SLC37A2: variants seen among roughly 807,000 people sequenced by gnomAD.
SLC37A2 encodes glucose-6-phosphate exchanger SLC37A2.
SLC37A2 carries 59 observed loss-of-function variants against 70.7 expected under a neutral mutation model. The observed-to-expected ratio is 0.83, with a 90% CI of 0.68 to 1.04. The LOEUF (loss-of-function observed/expected upper bound fraction) is 1.04. Among genes scored for constraint, SLC37A2 ranks in the 50% least tolerant of loss-of-function variants. The pLI is 0.00. For synonymous variants in SLC37A2, 257 were observed against 262.1 expected, an observed-to-expected ratio of 0.98 and a Z score of 0.19; for missense variants, 580 against 658.1, an observed-to-expected ratio of 0.88 and a Z score of 1.30.
chr11:125,086,193 T>C (rs2135578083), intron 17 of SLC37A2, 175 bp downstream of exon 17: 1 of 1,611,068 alleles, frequency 6.2e-7, no homozygotes, highest in East Asian at 2.2e-5. Flanking sequence ...TGTCCCCGTG[T>C]ATCTCTATAG....
rs1287315642 is a variant in SLC37A2, at chr11:125,083,954, C to A, written c.1039+77C>A. 3 of 1,421,270 alleles carry A rather than the reference C, an allele frequency of 2.1e-6. No individual in the cohort carries two copies. Among genetic ancestry groups the A allele is most frequent in the Non-Finnish European group, 3.0e-6 (3 of 1,008,428 alleles). The allele number at this position is 1,421,270 out of a possible 1,614,324, so 88.0% of individuals were successfully genotyped here. On this transcript the variant is annotated intron_variant, in intron 11 of 17. Coordinates refer to ENST00000403796, the MANE Select transcript of SLC37A2 (RefSeq NM_001145290.2). This position sits in a 1 kb window ranked among gnomAD's most constrained non-coding sequence, Gnocchi z 4.6. ...GGGGTGCAGGAAGAAGGGACAGGTC[C>A]GATGGGCTATGACCTGGGTAGGTGG...
chr11:125,076,450 G>C (rs574979952), intron 1 of SLC37A2, among the ~76,000 whole-genome samples: 20 of 152,284 alleles, frequency 1.3e-4, no homozygotes, highest in African/African-American at 4.8e-4. Context: ...CCTGACCTCA[G>C]GGAGGTCGAC....
At chr11:125,072,505 T>A (rs1348831887) in intron 1 of SLC37A2, among the ~76,000 whole-genome samples, 1 of 152,202 alleles carries the variant, frequency 6.6e-6, no homozygotes, top group African/African-American at 2.4e-5. Context: ...TTGCCCAGCC[T>A]GGCCCAGCCC....
At chr11:125,066,830 G>A (rs1948985042) in intron 1 of SLC37A2, among the ~76,000 whole-genome samples, 1 of 152,016 alleles carries the variant, frequency 6.6e-6, no homozygotes. Flanking sequence ...TATTCAGTAA[G>A]CTTAACATAA....
Position 125,080,356 on chromosome 11 carries a change from C to G in SLC37A2, c.528-258C>G, listed in dbSNP as rs1487503220. 6.6e-6 allele frequency among the ~76,000 whole-genome samples: 1 copy of G among 152,186 alleles called. No homozygotes were observed. The highest frequency in any genetic ancestry group is 1.5e-5 in the Non-Finnish European group (1 of 68,028). On this transcript the variant is annotated intron_variant, in intron 6 of 17. Transcript: ENST00000403796. This position sits in a 1 kb window ranked among gnomAD's most constrained non-coding sequence, Gnocchi z 4.3. ...GAACGAGGGCCGGGGCCCCCATGCC[C>G]TCAGTGTGGCTAGAGCTCCCATCGG...
Position 125,085,116 on chromosome 11 carries a change from A to C in SLC37A2, c.1225A>C (p.Thr409Pro). 6.2e-7 allele frequency: 1 copy of C among 1,613,894 alleles called. No homozygotes were observed. Among genetic ancestry groups the C allele is most frequent in the Non-Finnish European group, 8.5e-7 (1 of 1,179,930 alleles). Residue 409 changes from threonine (T) to proline (P), a missense_variant, in exon 14 of 18, where the codon ACC becomes CCC. By Grantham distance (38) the Thr-to-Pro change is conservative. Transcript: ENST00000403796. Reference protein sequence around the residue: ...GLVNGPYALITTAVSADLGTH... With the variant: ...GLVNGPYALIPTAVSADLGTH... Reference sequence around the variant, plus strand: ...GGTCAATGGCCCATACGCGCTCATCACCACTGCTGTCTCTGCTGATCTGGT... The same window carrying C: ...GGTCAATGGCCCATACGCGCTCATCCCCACTGCTGTCTCTGCTGATCTGGT...
At chr11:125,079,835 G>A in intron 6 of SLC37A2, 75 bp downstream of exon 6, 1 of 1,172,408 alleles carries the variant, frequency 8.5e-7, no homozygotes, top group Non-Finnish European at 1.3e-6. Flanking sequence ...CGTGGCCTCT[G>A]ATGTAATTTC....
rs185384143 is a variant in SLC37A2 at position 125,080,345 on chromosome 11, G to T, written c.528-269G>T. ...ACAGAAGAGAAGAACGAGGGCCGGG[G>T]CCCCCATGCCCTCAGTGTGGCTAGA... On this transcript the variant is annotated intron_variant, in intron 6 of 17. Coordinates refer to ENST00000403796, the MANE Select transcript of SLC37A2 (RefSeq NM_001145290.2). The surrounding 1 kb of genome is among the most constrained non-coding windows in gnomAD (Gnocchi z 4.3). 1.1e-4 allele frequency among the ~76,000 whole-genome samples: 17 copies of T among 152,290 alleles called. 1 individual carries two copies. The highest frequency in any genetic ancestry group is 3.4e-4 in the African/African-American group (14 of 41,564).
chr11:125,083,751 C>A lies in SLC37A2; in HGVS notation c.977-64C>A. 7.0e-7 allele frequency: 1 copy of A among 1,420,056 alleles called. No homozygotes were observed. The highest frequency in any genetic ancestry group is 1.0e-6 in the Non-Finnish European group (1 of 1,003,294). The allele number at this position is 1,420,056 out of a possible 1,614,324, so 88.0% of individuals were successfully genotyped here. A position where few individuals can be genotyped will look rare whatever the true frequency, so the allele number is the denominator to read the frequency against. The stretch of plus-strand genomic sequence containing the variant: ...GGATCACGCTCTGCAGGGCTTCTAG[C>A]TGTGACACTCCAGGATGTTTGCCCC... On this transcript the variant is annotated intron_variant, in intron 10 of 17. Coordinates refer to ENST00000403796, the MANE Select transcript of SLC37A2 (RefSeq NM_001145290.2). The surrounding 1 kb of genome is among the most constrained non-coding windows in gnomAD (Gnocchi z 4.6).
Position 125,077,321 on chromosome 11 carries a change from T to C in SLC37A2, c.233T>C (p.Phe78Ser). The C allele has an allele frequency of 6.2e-7, 1 of 1,602,648 alleles. No homozygotes were observed. Among genetic ancestry groups the C allele is most frequent in the Non-Finnish European group, 8.5e-7 (1 of 1,174,610 alleles). Reference protein sequence around the residue: ...NDTMWCSWAPFDKDNYKELLG... With the variant: ...NDTMWCSWAPSDKDNYKELLG... ...ACCATGTGGTGCAGCTGGGCCCCATTTGGTAAGAACAGGGCAAGTTGCTCT... is the reference window on the plus strand; with the variant it reads ...ACCATGTGGTGCAGCTGGGCCCCATCTGGTAAGAACAGGGCAAGTTGCTCT... The change falls in exon 3 of 18, where the codon TTT (phenylalanine) becomes TCT (serine). Residue 78 changes from phenylalanine (F) to serine (S), a missense_variant and splice_region_variant. Phe to Ser is a radical substitution (Grantham distance 155). Transcript: ENST00000403796.
intron 1 of SLC37A2, among the ~76,000 whole-genome samples, chr11:125,075,243 G>A (rs1187308585): frequency 1.3e-5 from 2 of 152,202 alleles, no homozygotes; most frequent in African/African-American, 4.8e-5. Context: ...AGGCCAGCTG[G>A]GCACCCTCTT....
At chr11:125,085,521 C>G (rs1217895536) in intron 15 of SLC37A2, 48 bp downstream of exon 15, 1 of 1,613,472 alleles carries the variant, frequency 6.2e-7, no homozygotes, top group South Asian at 1.1e-5. Context: ...GCATAGTGCC[C>G]TCCGGTGGGC....
At chr11:125,078,377 G>A (rs1191882078) in intron 4 of SLC37A2, among the ~76,000 whole-genome samples, 3 of 152,270 alleles carry the variant, frequency 2.0e-5, no homozygotes, top group African/African-American at 7.2e-5. Context: ...CACTCTGAGA[G>A]TGATGCTGAG....
intron 8 of SLC37A2, 92 bp downstream of exon 8, chr11:125,081,550 T>A: frequency 6.7e-7 from 1 of 1,482,546 alleles, no homozygotes; most frequent in Non-Finnish European, 9.1e-7. Context: ...AGCAGGGAGT[T>A]CTGGCCCTCA....
At chr11:125,069,829 TCTC>T (rs1005290017) in intron 1 of SLC37A2, among the ~76,000 whole-genome samples, 1 of 152,198 alleles carries the variant, frequency 6.6e-6, no homozygotes, top group East Asian at 1.9e-4. Flanking sequence ...AAGATGTTGC[TCTC>T]CTCCTCCTGT....
At position 125,068,360 on chromosome 11, in the gene SLC37A2, G is replaced by A. The variant is rs948168463; in HGVS notation, c.59+4934G>A. 7.2e-5 allele frequency among the ~76,000 whole-genome samples: 11 copies of A among 152,294 alleles called. 2 individuals are homozygous for A. Among genetic ancestry groups the A allele is most frequent in the Admixed American group, 7.2e-4 (11 of 15,306 alleles). ...TATCCTTTTACTTCCTTCCAGATAA[G>A]TTTAGATTTGGATTCCTATCAAACA... On this transcript the variant is annotated intron_variant, in intron 1 of 17. Transcript: ENST00000403796.
At chr11:125,086,604 C>T in intron 17 of SLC37A2, 2 of 342,124 alleles carry the variant, frequency 5.8e-6, no homozygotes, top group Non-Finnish European at 1.1e-5. Flanking sequence ...GGCCCCTCTG[C>T]CTGGGGTATG....
chr11:125,084,792 G>T, intron 12 of SLC37A2, 33 bp from the exon 13 acceptor site: 2 of 1,610,266 alleles, frequency 1.2e-6, no homozygotes, highest in South Asian at 1.1e-5. Context: ...AAGGGATTCC[G>T]GGTGACTCTG....
intron 1 of SLC37A2, among the ~76,000 whole-genome samples, chr11:125,070,337 A>G (rs959019586): frequency 2.6e-5 from 4 of 152,186 alleles, no homozygotes; most frequent in Admixed American, 6.5e-5. Context: ...AAGACATTCA[A>G]ATTCATACTG....
Sources: allele counts gnomAD v4.1 joint callset (sites outside exome capture counted in the v4.1 genomes callset), GRCh38; gene constraint gnomAD v4.1.1; non-coding constraint Gnocchi (gnomAD v3.1); transcripts MANE v1.5; gene names NCBI Gene and HGNC (gene_info 2026-07-23, HGNC 2026-07-21).